PRKD3: variants seen among roughly 807,000 people sequenced by gnomAD.
The protein encoded by PRKD3 is protein kinase D3, also known as serine/threonine-protein kinase D3.
In PRKD3, 47 loss-of-function variants were observed where a neutral mutation model predicts 99.2. The observed-to-expected ratio is 0.47, with a 90% confidence interval of 0.38 to 0.60. The LOEUF (loss-of-function observed/expected upper bound fraction) is 0.60. Among genes scored for constraint, PRKD3 ranks in the 20% least tolerant of loss-of-function variants. The pLI, the probability that PRKD3 is intolerant of heterozygous loss-of-function variation, is 0.00. For missense variants in PRKD3, 1,019 were observed against 1,088.4 expected (o/e 0.94, Z 0.90); for synonymous variants, 392 against 355.4 (o/e 1.10, Z -1.16).
At chr2:37,287,282 A>AAAAGAAAAAGAG (rs1465042298) in intron 5 of PRKD3, among the ~76,000 whole-genome samples, 1 of 148,286 alleles carries the variant, frequency 6.7e-6, no homozygotes, top group Non-Finnish European at 1.5e-5. Flanking sequence ...AAGAAAAAGA[A>AAAAGAAAAAGAG]AAAGAAAAAT....
chr2:37,279,981 A>G, intron 7 of PRKD3, 52 bp from the exon 8 acceptor site: 1 of 1,283,192 alleles, frequency 7.8e-7, no homozygotes. Context: ...GAGGAAGTCC[A>G]TTAAATGTGA....
chr2:37,288,908 G>A (rs767392437), intron 5 of PRKD3, among the ~76,000 whole-genome samples: 4 of 152,030 alleles, frequency 2.6e-5, no homozygotes, highest in Non-Finnish European at 5.9e-5. Context: ...ACAAAAATCA[G>A]CTGGGTGTAG....
chr2:37,260,768 T>C (rs1668372247), intron 14 of PRKD3, among the ~76,000 whole-genome samples: 1 of 152,220 alleles, frequency 6.6e-6, no homozygotes, highest in African/African-American at 2.4e-5. Context: ...GGGGGCTGTA[T>C]TTGTGATGGT....
chr2:37,286,746 AAC>A (rs1193519350), intron 5 of PRKD3, among the ~76,000 whole-genome samples: 1 of 152,232 alleles, frequency 6.6e-6, no homozygotes, highest in Non-Finnish European at 1.5e-5. Flanking sequence ...TATATTTTGA[AAC>A]ACATTTTAGA....
rs1253442786 is a variant in PRKD3, at chr2:37,256,573, G to C, written c.2413+89C>G. 13 of 1,381,698 alleles carry C rather than the reference G, an allele frequency of 9.4e-6. No individual in the cohort carries two copies. In the South Asian group the frequency reaches 9.6e-5, roughly 10 times the overall value. The allele number at this position is 1,381,698 out of a possible 1,614,324, so 85.6% of individuals were successfully genotyped here. A position where few individuals can be genotyped will look rare whatever the true frequency, so the allele number is the denominator to read the frequency against. ...GATGTACTAAAAAGATAAGTTGCAA[G>C]AGACAGACTGATTTGGGATGAGAAA... On this transcript the variant is annotated intron_variant, in intron 17 of 18. Coordinates refer to ENST00000234179, the MANE Select transcript of PRKD3 (RefSeq NM_005813.6).
intron 2 of PRKD3, among the ~76,000 whole-genome samples, chr2:37,313,466 A>G (rs940097580): frequency 6.6e-6 from 1 of 152,238 alleles, no homozygotes; most frequent in African/African-American, 2.4e-5. Context: ...CAGCCAATCT[A>G]TTTAAACACA....
At chr2:37,293,098 GA>G in intron 3 of PRKD3, 34 bp downstream of exon 3, 2 of 1,516,834 alleles carry the variant, frequency 1.3e-6, no homozygotes, top group Non-Finnish European at 1.8e-6. Context: ...TCTTTGAGGG[GA>G]AAAGGCAATC....
In PRKD3 at chr2:37,259,683, T is replaced by C; in HGVS notation, c.2047-2A>G. 1 of 1,599,224 alleles carries C rather than the reference T, an allele frequency of 6.3e-7. No individual in the cohort carries two copies. On this transcript the variant is annotated splice_acceptor_variant, in intron 15 of 18. Coordinates refer to ENST00000234179, the MANE Select transcript of PRKD3 (RefSeq NM_005813.6). LOFTEE classifies it high-confidence loss of function. ...CAGATTCCTCAAAGCAACAAGTATC[T>C]GTTATGAAAAAAGATTTTCTTTTCA...
intron 14 of PRKD3, among the ~76,000 whole-genome samples, chr2:37,264,042 C>G (rs1668656785): frequency 6.6e-6 from 1 of 152,168 alleles, no homozygotes; most frequent in South Asian, 2.1e-4. Context: ...CTACCCTCTT[C>G]AGGCAAGACA....
chr2:37,320,742 ACTT>A (rs1200470030), intron 1 of PRKD3, among the ~76,000 whole-genome samples: 4 of 152,012 alleles, frequency 2.6e-5, no homozygotes, highest in African/African-American at 9.7e-5. Flanking sequence ...CAAATTAACT[ACTT>A]CTACTTTGAT....
intron 7 of PRKD3, among the ~76,000 whole-genome samples, chr2:37,281,670 C>A (rs1366382828): frequency 6.6e-6 from 1 of 152,152 alleles, no homozygotes; most frequent in African/African-American, 2.4e-5. Flanking sequence ...TTATATGCTA[C>A]CTAGCCTATG....
chr2:37,322,276 CGTTG>C (rs1452080351), intron 1 of PRKD3, among the ~76,000 whole-genome samples: 2 of 152,138 alleles, frequency 1.3e-5, no homozygotes, highest in African/African-American at 2.4e-5. Context: ...GTGTCTACGT[CGTTG>C]GTTTTTAAAA....
rs546059082 is a variant in PRKD3, at chr2:37,276,793, T to C, written c.1297-949A>G. Among the ~76,000 whole-genome samples, 8 of 149,194 alleles carry C rather than the reference T, an allele frequency of 5.4e-5. No homozygotes were observed. The Admixed American group carries it at 5.4e-4, about 10-fold the overall frequency. On this transcript the variant is annotated intron_variant, in intron 9 of 18. Transcript: ENST00000234179. ...TGAGGTGTGTGTATATATGTATATA[T>C]ACACACACACACATACACATATATA...
intron 17 of PRKD3, among the ~76,000 whole-genome samples, chr2:37,255,601 AT>A (rs1412441879): frequency 3.9e-5 from 6 of 152,214 alleles, no homozygotes; most frequent in Non-Finnish European, 7.3e-5. Context: ...GTGTCTGGTG[AT>A]TATAAAGTTC....
At chr2:37,308,036 C>T (rs1349805744) in intron 2 of PRKD3, among the ~76,000 whole-genome samples, 1 of 152,214 alleles carries the variant, frequency 6.6e-6, no homozygotes, top group Non-Finnish European at 1.5e-5. Context: ...CCCAACTTAA[C>T]ACGATACCTA....
At chr2:37,302,962 T>C (rs1378997922) in intron 2 of PRKD3, among the ~76,000 whole-genome samples, 1 of 152,094 alleles carries the variant, frequency 6.6e-6, no homozygotes, top group Non-Finnish European at 1.5e-5. Flanking sequence ...TCCTGATTGG[T>C]TCTTTCTAAA....
chr2:37,291,088 A>T, intron 3 of PRKD3, 89 bp from the exon 4 acceptor site: 2 of 1,224,702 alleles, frequency 1.6e-6, no homozygotes, highest in Non-Finnish European at 2.2e-6. Context: ...GTCAAAGTAC[A>T]CAGAATCATT....
Position 37,289,485 on chromosome 2 carries a change from A to G in PRKD3, c.588T>C (p.Cys196=), listed in dbSNP as rs1670288453. Residue 196 remains cysteine (C), a synonymous_variant, in exon 5 of 19, where the codon TGT becomes TGC. Coordinates refer to ENST00000234179, the MANE Select transcript of PRKD3 (RefSeq NM_005813.6). The stretch of plus-strand genomic sequence containing the variant: ...TACAGTTATTTGGAATCTTGAAGGC[A>G]CATCGTTTATGGTAATTTAATCCAC... ...EGCGLNYHKR[C]AFKIPNNCSG... is the part of the protein sequence containing the mutation. 3 of 1,613,602 alleles carry G rather than the reference A, an allele frequency of 1.9e-6. No individual in the cohort carries two copies. Among genetic ancestry groups the G allele is most frequent in the Non-Finnish European group, 2.5e-6 (3 of 1,179,550 alleles).
chr2:37,300,569 G>A (rs1018382619), intron 2 of PRKD3, among the ~76,000 whole-genome samples: 4 of 152,144 alleles, frequency 2.6e-5, no homozygotes, highest in African/African-American at 4.8e-5. Context: ...TATTTAAGGT[G>A]ATGGATATCC....
Sources: gnomAD v4.1 joint callset for allele counts (sites outside exome capture counted in the v4.1 genomes callset) on GRCh38, gnomAD v4.1.1 for gene constraint, MANE v1.5 for transcripts, NCBI Gene and HGNC (gene_info 2026-07-23, HGNC 2026-07-21) for gene names.